NAALADL2: variants seen among roughly 807,000 people sequenced by gnomAD.
The protein encoded by NAALADL2 is N-acetylated alpha-linked acidic dipeptidase like 2, also known as inactive N-acetylated-alpha-linked acidic dipeptidase-like protein 2.
Under a neutral mutation model 87.2 loss-of-function variants are expected in NAALADL2, and 76 were observed. The observed-to-expected ratio is 0.87, with a 90% CI of 0.72 to 1.05. NAALADL2 has a LOEUF of 1.05. NAALADL2 is among the 50% of genes least tolerant of loss of function. The pLI is 0.00. For missense variants in NAALADL2, 1,089 were observed against 945.8 expected, an observed-to-expected ratio of 1.15 and a Z score of -1.99; for synonymous variants, 354 against 331.0, an observed-to-expected ratio of 1.07 and a Z score of -0.75.
At position 174,968,759 on chromosome 3, in the gene NAALADL2, G is replaced by C. The variant is rs544220760; in HGVS notation, c.43+109309G>C. ...CCCAAAGTGCTGAGACTACAGATGT[G>C]AGCCACTGCGCCCAGCCCTAACTAG... On this transcript the variant is annotated intron_variant, in intron 1 of 13. Coordinates refer to ENST00000454872, the MANE Select transcript of NAALADL2 (RefSeq NM_207015.3). Among the ~76,000 whole-genome samples, 4 of 152,258 alleles carry C rather than the reference G, an allele frequency of 2.6e-5. No individual in the cohort carries two copies. In the East Asian group the frequency reaches 7.7e-4, roughly 29 times the overall value.
intron 2 of NAALADL2, among the ~76,000 whole-genome samples, chr3:174,669,815 A>G (rs1020844695): frequency 2.0e-5 from 3 of 152,010 alleles, no homozygotes; most frequent in African/African-American, 7.2e-5. Context: ...TTGAATCTGT[A>G]GGTAGCTTTC....
chr3:174,887,732 G>A (rs1730346928), intron 1 of NAALADL2, among the ~76,000 whole-genome samples: 1 of 152,084 alleles, frequency 6.6e-6, no homozygotes, highest in South Asian at 2.1e-4. Context: ...AAGTGGTCAA[G>A]GCTGCAGGGA....
intron 2 of NAALADL2, among the ~76,000 whole-genome samples, chr3:174,586,805 T>C (rs9816727): frequency 0.031 from 4,676 of 152,222 alleles, 260 homozygotes; most frequent in African/African-American, 0.11. Flanking sequence ...CTGCATCTAC[T>C]ATATAAAAAG....
At chr3:174,572,296 T>C (rs1715018812) in intron 2 of NAALADL2, among the ~76,000 whole-genome samples, 1 of 152,150 alleles carries the variant, frequency 6.6e-6, no homozygotes, top group Non-Finnish European at 1.5e-5. Flanking sequence ...GGCTAAAATA[T>C]TGTAGTTGCT....
intron 12 of NAALADL2, among the ~76,000 whole-genome samples, chr3:175,748,658 T>C (rs576158132): frequency 1.2e-4 from 18 of 152,206 alleles, no homozygotes; most frequent in Non-Finnish European, 2.2e-4. Flanking sequence ...ACCAGTACAT[T>C]TCACTTTTAA....
intron 2 of NAALADL2, among the ~76,000 whole-genome samples, chr3:174,651,167 A>G (rs1279191796): frequency 6.6e-6 from 1 of 152,184 alleles, no homozygotes; most frequent in East Asian, 1.9e-4. Context: ...GAATATGATG[A>G]TATGTTCACA....
chr3:174,623,660 A>AT (rs397758602), intron 2 of NAALADL2, among the ~76,000 whole-genome samples: 1 of 151,586 alleles, frequency 6.6e-6, no homozygotes, highest in Non-Finnish European at 1.5e-5. Flanking sequence ...ATTAAAAAAA[A>AT]GTGTGTATAA....
intron 2 of NAALADL2, among the ~76,000 whole-genome samples, chr3:175,232,465 G>A (rs1017385448): frequency 3.0e-4 from 45 of 151,932 alleles, no homozygotes; most frequent in Non-Finnish European, 1.5e-5. Flanking sequence ...CTGTTGCAGG[G>A]GTGTCCAATC....
chr3:174,447,186 A>G (rs1401901766), intron 1 of NAALADL2, among the ~76,000 whole-genome samples: 1 of 152,160 alleles, frequency 6.6e-6, no homozygotes, highest in Admixed American at 6.6e-5. Flanking sequence ...GTAATATGTC[A>G]TAGTTTGAAT....
chr3:175,488,296 C>T (rs1582097435), intron 9 of NAALADL2, among the ~76,000 whole-genome samples: 2 of 152,308 alleles, frequency 1.3e-5, no homozygotes, highest in African/African-American at 4.8e-5. Context: ...CCTTTATTTA[C>T]TCTAGTGTTG....
chr3:174,533,184 G>GGGGCA (rs1263774026), intron 1 of NAALADL2, among the ~76,000 whole-genome samples: 1 of 144,550 alleles, frequency 6.9e-6, no homozygotes, highest in Admixed American at 7.2e-5. Context: ...AAGGGGTACA[G>GGGGCA]GGGCAGGACT....
At chr3:174,819,393 T>G (rs201349142) in intron 3 of NAALADL2, among the ~76,000 whole-genome samples, 1 of 298 alleles carries the variant, frequency 3.4e-3, no homozygotes, top group Non-Finnish European at 5.2e-3. Flanking sequence ...ATTTACTTTC[T>G]TTTTTTTCAT....
intron 4 of NAALADL2, among the ~76,000 whole-genome samples, chr3:175,311,057 G>T (rs530854366): frequency 9.9e-5 from 15 of 152,068 alleles, no homozygotes; most frequent in African/African-American, 3.6e-4. Context: ...AAAGATGAAT[G>T]CTCTTTATTC....
intron 9 of NAALADL2, among the ~76,000 whole-genome samples, chr3:175,474,171 T>G (rs758035458): frequency 6.4e-4 from 98 of 152,190 alleles, no homozygotes; most frequent in Non-Finnish European, 1.2e-3. Flanking sequence ...AAAAGCATAT[T>G]GACTAAATTG....
chr3:175,498,181 A>G (rs897713709), intron 9 of NAALADL2, among the ~76,000 whole-genome samples: 5 of 152,132 alleles, frequency 3.3e-5, no homozygotes, highest in African/African-American at 1.2e-4. Context: ...CGAATGAAAG[A>G]ATGCCTACAA....
At chr3:175,075,811 G>A (rs1437497856) in intron 1 of NAALADL2, among the ~76,000 whole-genome samples, 1 of 152,116 alleles carries the variant, frequency 6.6e-6, no homozygotes, top group African/African-American at 2.4e-5. Flanking sequence ...TATGGTAACT[G>A]TAAAAACTAA....
At chr3:175,489,187 A>C (rs1260952641) in intron 9 of NAALADL2, among the ~76,000 whole-genome samples, 4 of 152,242 alleles carry the variant, frequency 2.6e-5, no homozygotes, top group African/African-American at 9.6e-5. Context: ...TATTAAAGGA[A>C]TATTTTGACA....
At chr3:175,506,990 T>A (rs1300422228) in intron 9 of NAALADL2, among the ~76,000 whole-genome samples, 3 of 151,898 alleles carry the variant, frequency 2.0e-5, no homozygotes, top group African/African-American at 7.3e-5. Context: ...TGAAACTGAG[T>A]ACATCTGCTA....
At chr3:175,472,034 A>T (rs1724984756) in intron 9 of NAALADL2, among the ~76,000 whole-genome samples, 1 of 152,092 alleles carries the variant, frequency 6.6e-6, no homozygotes, top group Non-Finnish European at 1.5e-5. Context: ...TTTAAAAAAT[A>T]TATGAATTTA....
Sources: allele counts gnomAD v4.1 joint callset (sites outside exome capture counted in the v4.1 genomes callset), GRCh38; gene constraint gnomAD v4.1.1; transcripts MANE v1.5; gene names NCBI Gene and HGNC (gene_info 2026-07-23, HGNC 2026-07-21).